ARSB: variants seen among roughly 807,000 people sequenced by gnomAD.
ARSB encodes N-acetylgalactosamine-4-sulfatase.
In ARSB, 41 loss-of-function variants were observed where a neutral mutation model predicts 50.9. The ratio of observed to expected loss-of-function variants is 0.81; its 90% CI spans 0.63 to 1.04. The LOEUF (loss-of-function observed/expected upper bound fraction) is 1.04. ARSB is among the 50% of genes least tolerant of loss of function. ARSB has a pLI of 0.00. For synonymous variants in ARSB, 269 were observed against 284.8 expected, an observed-to-expected ratio of 0.94 and a Z score of 0.56; for missense variants, 672 against 693.3, an observed-to-expected ratio of 0.97 and a Z score of 0.35.
intron 6 of ARSB, among the ~76,000 whole-genome samples, chr5:78,785,871 T>TG (rs1749066778): frequency 4.6e-5 from 7 of 152,206 alleles, no homozygotes; most frequent in Admixed American, 4.6e-4. Flanking sequence ...AAGGAGTACT[T>TG]CTTGATTATG....
In ARSB at chr5:78,780,368, T is replaced by A. The variant is rs973645146; in HGVS notation, c.*29A>T. On this transcript the variant is annotated 3_prime_UTR_variant, in exon 8 of 8. Coordinates refer to ENST00000264914, the MANE Select transcript of ARSB (RefSeq NM_000046.5). ...AAAAGGCCTGAGGTCCAACTTCCAA[T>A]TGAAAGGTTTTCTAGCCTCCCTGAA... 6.2e-7 allele frequency: 1 copy of A among 1,613,012 alleles called. No individual in the cohort carries two copies. Among genetic ancestry groups the A allele is most frequent in the East Asian group, 2.2e-5 (1 of 44,890 alleles).
intron 6 of ARSB, among the ~76,000 whole-genome samples, chr5:78,810,425 T>C (rs893563403): frequency 3.3e-5 from 5 of 152,222 alleles, no homozygotes; most frequent in African/African-American, 9.6e-5. Flanking sequence ...GTTATTTGTT[T>C]CTCCTTTGCT....
intron 5 of ARSB, among the ~76,000 whole-genome samples, chr5:78,848,048 TTTTTA>T (rs990416652): frequency 6.0e-5 from 9 of 151,168 alleles, no homozygotes; most frequent in African/African-American, 1.9e-4. Flanking sequence ...AGCGTGAATT[TTTTTA>T]TTTTATTATT....
At chr5:78,829,211 C>T (rs35367883) in intron 6 of ARSB, among the ~76,000 whole-genome samples, 6,010 of 152,270 alleles carry the variant, frequency 0.039, 205 homozygotes, top group Middle Eastern at 0.068. Flanking sequence ...TCAAAAAATA[C>T]GAAAATAGAG....
chr5:78,955,625 A>G, intron 3 of ARSB, 123 bp from the exon 4 acceptor site: 1 of 818,760 alleles, frequency 1.2e-6, no homozygotes, highest in Non-Finnish European at 2.0e-6. Flanking sequence ...GAATGCATTG[A>G]AAGTATTTGT....
In ARSB at chr5:78,945,170, G is replaced by A. The variant is rs568504825; in HGVS notation, c.898+10125C>T. ...GGAGTGACCCGATTTTCCAGGTGCC[G>A]TCTGTCACCCCTTTCTTTGAGTAGG... On this transcript the variant is annotated intron_variant, in intron 4 of 7. Coordinates refer to ENST00000264914, the MANE Select transcript of ARSB (RefSeq NM_000046.5). Among the ~76,000 whole-genome samples the A allele has an allele frequency of 1.3e-3, 196 of 152,262 alleles. 2 individuals are homozygous for A. Among genetic ancestry groups the A allele is most frequent in the Non-Finnish European group, 2.3e-3 (159 of 68,002 alleles).
chr5:78,946,000 C>G (rs1019079852), intron 4 of ARSB, among the ~76,000 whole-genome samples: 1 of 152,234 alleles, frequency 6.6e-6, no homozygotes, highest in South Asian at 2.1e-4. Context: ...GTCTACTTCA[C>G]TAGAGTGTGA....
intron 5 of ARSB, among the ~76,000 whole-genome samples, chr5:78,854,107 T>C (rs62377548): frequency 0.13 from 19,346 of 152,292 alleles, 1,428 homozygotes; most frequent in Middle Eastern, 0.21. Context: ...GTGAGATGAA[T>C]CCGGTACCTC....
chr5:78,897,654 C>T (rs1748626525), intron 4 of ARSB, among the ~76,000 whole-genome samples: 1 of 151,988 alleles, frequency 6.6e-6, no homozygotes, highest in South Asian at 2.1e-4. Flanking sequence ...ATGGGAGTGG[C>T]ATAAATGTAT....
At chr5:78,785,931 T>TGA (rs1749069067) in intron 6 of ARSB, among the ~76,000 whole-genome samples, 1 of 152,210 alleles carries the variant, frequency 6.6e-6, no homozygotes, top group Non-Finnish European at 1.5e-5. Flanking sequence ...GTGGCAACTT[T>TGA]TCCTTCTAAT....
intron 1 of ARSB, among the ~76,000 whole-genome samples, chr5:78,981,353 T>C (rs1207138646): frequency 6.6e-6 from 1 of 152,188 alleles, no homozygotes; most frequent in East Asian, 1.9e-4. Flanking sequence ...TATTTCACCA[T>C]AGCATGCACA....
At chr5:78,963,658 CATAATA>C (rs1752089868) in intron 3 of ARSB, among the ~76,000 whole-genome samples, 1 of 152,090 alleles carries the variant, frequency 6.6e-6, no homozygotes, top group Non-Finnish European at 1.5e-5. Context: ...ACAAAATAAT[CATAATA>C]ATAAGATTAT....
intron 5 of ARSB, among the ~76,000 whole-genome samples, chr5:78,845,203 GA>G (rs1745389995): frequency 6.6e-6 from 1 of 152,124 alleles, no homozygotes; most frequent in Non-Finnish European, 1.5e-5. Context: ...TACTGTGAAT[GA>G]CAGGATTTCA....
At chr5:78,805,277 G>A (rs1344145494) in intron 6 of ARSB, among the ~76,000 whole-genome samples, 1 of 152,214 alleles carries the variant, frequency 6.6e-6, no homozygotes, top group African/African-American at 2.4e-5. Context: ...TCTGTATGGA[G>A]AATCTGCCAT....
At chr5:78,789,337 C>A (rs1280861816) in intron 6 of ARSB, among the ~76,000 whole-genome samples, 3 of 152,150 alleles carry the variant, frequency 2.0e-5, no homozygotes, top group African/African-American at 7.2e-5. Context: ...TGTGAGCTGA[C>A]CTGCAAATAA....
chr5:78,918,864 C>A (rs378912), intron 4 of ARSB, among the ~76,000 whole-genome samples: 28,903 of 152,050 alleles, frequency 0.19, 2,974 homozygotes, highest in East Asian at 0.45. Context: ...GCATTAAGTG[C>A]CTGAACATTT....
chr5:78,974,226 C>T (rs533128746), intron 1 of ARSB, among the ~76,000 whole-genome samples: 13 of 152,336 alleles, frequency 8.5e-5, no homozygotes, highest in Non-Finnish European at 4.4e-5. Context: ...CCTACAGACA[C>T]GCATTATGTG....
At chr5:78,908,655 G>A (rs1371927412) in intron 4 of ARSB, among the ~76,000 whole-genome samples, 4 of 152,230 alleles carry the variant, frequency 2.6e-5, no homozygotes, top group South Asian at 4.1e-4. Context: ...CCGGGAGCCA[G>A]TGCTCCCAAC....
At chr5:78,797,429 C>T (rs1156714952) in intron 6 of ARSB, among the ~76,000 whole-genome samples, 2 of 152,230 alleles carry the variant, frequency 1.3e-5, no homozygotes, top group Non-Finnish European at 2.9e-5. Context: ...ACCATAGTGC[C>T]TCTAGCCCAG....
Sources: gnomAD v4.1 joint callset for allele counts (sites outside exome capture counted in the v4.1 genomes callset) on GRCh38, gnomAD v4.1.1 for gene constraint, MANE v1.5 for transcripts, NCBI Gene and HGNC (gene_info 2026-07-23, HGNC 2026-07-21) for gene names.